Variants in CNTNAP4 observed in about 807,000 individuals in gnomAD.
CNTNAP4 encodes contactin-associated protein-like 4.
CNTNAP4 carries 98 observed loss-of-function variants against 148.4 expected under a neutral mutation model. The ratio of observed to expected loss-of-function variants is 0.66; its 90% CI spans 0.56 to 0.78. The LOEUF is 0.78. Among genes scored for constraint, CNTNAP4 ranks in the 30% least tolerant of loss-of-function variants. The pLI is 0.00. For missense variants in CNTNAP4, 1,935 were observed against 1,565.6 expected (o/e 1.24, Z -3.98); for synonymous variants, 730 against 565.1 (o/e 1.29, Z -4.14).
chr16:76,294,866 A>C (rs756471074), intron 1 of CNTNAP4, among the ~76,000 whole-genome samples: 1 of 152,214 alleles, frequency 6.6e-6, no homozygotes, highest in Non-Finnish European at 1.5e-5. Context: ...CTTGCTCGCA[A>C]TTGAGAACAG....
chr16:76,524,247 G>T lies in CNTNAP4; in HGVS notation c.2755+1990G>T, dbSNP rs8060405. Among the ~76,000 whole-genome samples, 391 of 151,990 alleles carry T rather than the reference G, an allele frequency of 2.6e-3. 3 individuals are homozygous for T. The highest frequency in any genetic ancestry group is 9.0e-3 in the African/African-American group (374 of 41,440). On this transcript the variant is annotated intron_variant, in intron 17 of 23. Coordinates refer to ENST00000611870, the MANE Select transcript of CNTNAP4 (RefSeq NM_033401.5). ...TGACCACTTGATTGACTTACTTAAG[G>T]GTATGAAAATAATAAAGAATGTATG...
intron 3 of CNTNAP4, among the ~76,000 whole-genome samples, chr16:76,419,963 C>A (rs1450591452): frequency 1.3e-5 from 2 of 151,924 alleles, no homozygotes; most frequent in Admixed American, 6.6e-5. Flanking sequence ...TCCCAAAGAC[C>A]TCATTTCCAA....
intron 3 of CNTNAP4, among the ~76,000 whole-genome samples, chr16:76,418,179 A>G (rs928906534): frequency 6.6e-6 from 1 of 151,506 alleles, no homozygotes; most frequent in Non-Finnish European, 1.5e-5. Context: ...ATTGGCCATT[A>G]TTACTTCAAG....
chr16:76,325,551 G>C (rs544628753), intron 2 of CNTNAP4, among the ~76,000 whole-genome samples: 1 of 152,072 alleles, frequency 6.6e-6, no homozygotes, highest in African/African-American at 2.4e-5. Context: ...TCCTCCAAAA[G>C]AAATCTCAAT....
At chr16:76,348,506 A>G (rs1294135001) in intron 2 of CNTNAP4, among the ~76,000 whole-genome samples, 2 of 152,198 alleles carry the variant, frequency 1.3e-5, no homozygotes, top group Non-Finnish European at 1.5e-5. Flanking sequence ...TTAAAAGATC[A>G]TGTGAGATAA....
At chr16:76,313,123 C>T (rs1465888476) in intron 1 of CNTNAP4, among the ~76,000 whole-genome samples, 2 of 152,022 alleles carry the variant, frequency 1.3e-5, no homozygotes, top group African/African-American at 4.8e-5. Flanking sequence ...AAAAAGTTCC[C>T]CTTCTTTTGT....
At position 76,366,669 on chromosome 16, in the gene CNTNAP4, C is replaced by T. The variant is rs148562735; in HGVS notation, c.390+11158C>T. Among the ~76,000 whole-genome samples the T allele has an allele frequency of 2.0e-3, 309 of 152,120 alleles. 3 individuals carry two copies. The highest frequency in any genetic ancestry group is 0.01 in the Middle Eastern group (3 of 294). ...GTACTCAGTAGTGGGATTGCTGGGTCAAATGGTTCTTAGCTCTTTGAGGAA... is the reference window on the plus strand; with the variant it reads ...GTACTCAGTAGTGGGATTGCTGGGTTAAATGGTTCTTAGCTCTTTGAGGAA... On this transcript the variant is annotated intron_variant, in intron 3 of 23. Transcript: ENST00000611870.
chr16:76,549,357 G>A (rs1322385266), intron 21 of CNTNAP4, among the ~76,000 whole-genome samples: 1 of 152,096 alleles, frequency 6.6e-6, no homozygotes, highest in Non-Finnish European at 1.5e-5. Context: ...TTTCTTCTTA[G>A]GGCTGTGGCC....
At chr16:76,390,609 C>T (rs1334549144) in intron 3 of CNTNAP4, among the ~76,000 whole-genome samples, 7 of 151,362 alleles carry the variant, frequency 4.6e-5, no homozygotes, top group African/African-American at 1.2e-4. Flanking sequence ...TTTAAGCAGG[C>T]ATTATTCCTT....
chr16:76,491,613 A>G (rs1013662139), intron 13 of CNTNAP4, among the ~76,000 whole-genome samples: 1 of 152,228 alleles, frequency 6.6e-6, no homozygotes, highest in Non-Finnish European at 1.5e-5. Context: ...GAATAAAAAA[A>G]CAGATAAGCA....
chr16:76,324,873 T>G (rs1199963140), intron 2 of CNTNAP4, among the ~76,000 whole-genome samples: 1 of 152,176 alleles, frequency 6.6e-6, no homozygotes, highest in African/African-American at 2.4e-5. Flanking sequence ...GTAAACCTAA[T>G]TACCTCCCAA....
At chr16:76,352,126 C>T (rs2011871723) in intron 2 of CNTNAP4, among the ~76,000 whole-genome samples, 1 of 152,074 alleles carries the variant, frequency 6.6e-6, no homozygotes, top group South Asian at 2.1e-4. Context: ...TCACCCTTTC[C>T]TAACTTTTTC....
intron 2 of CNTNAP4, among the ~76,000 whole-genome samples, chr16:76,330,235 C>T (rs1234463736): frequency 2.6e-5 from 4 of 152,102 alleles, no homozygotes; most frequent in Non-Finnish European, 4.4e-5. Flanking sequence ...CCTTTTATTT[C>T]TCCCTTGATC....
At chr16:76,497,479 A>T (rs2082438827) in intron 14 of CNTNAP4, among the ~76,000 whole-genome samples, 1 of 152,236 alleles carries the variant, frequency 6.6e-6, no homozygotes, top group Non-Finnish European at 1.5e-5. Flanking sequence ...GCAGCAAAGG[A>T]AAATGGAAGT....
intron 15 of CNTNAP4, among the ~76,000 whole-genome samples, chr16:76,513,634 G>T (rs1353192585): frequency 6.6e-6 from 1 of 152,100 alleles, no homozygotes; most frequent in Non-Finnish European, 1.5e-5. Context: ...CAACATGCCA[G>T]ATTACAAATG....
chr16:76,447,360 A>ATATATATATATATGAAAT (rs1406292447), intron 4 of CNTNAP4, among the ~76,000 whole-genome samples: 4 of 149,636 alleles, frequency 2.7e-5, no homozygotes, highest in African/African-American at 9.8e-5. Flanking sequence ...ATGAAATTAT[A>ATATATATATATATGAAAT]TATATATATG....
intron 3 of CNTNAP4, among the ~76,000 whole-genome samples, chr16:76,386,604 A>G (rs1397236972): frequency 6.6e-6 from 1 of 151,372 alleles, no homozygotes; most frequent in African/African-American, 2.5e-5. Context: ...TGCTAGAAAC[A>G]TAGTAGGTAC....
At chr16:76,512,579 A>T (rs760936819) in intron 15 of CNTNAP4, among the ~76,000 whole-genome samples, 1 of 152,178 alleles carries the variant, frequency 6.6e-6, no homozygotes, top group Non-Finnish European at 1.5e-5. Context: ...AGAGAAATAT[A>T]AAGAGCCCAG....
At chr16:76,370,062 A>G (rs1051659771) in intron 3 of CNTNAP4, among the ~76,000 whole-genome samples, 8 of 152,154 alleles carry the variant, frequency 5.3e-5, no homozygotes, top group Middle Eastern at 3.2e-3. Flanking sequence ...ACCTTTACCT[A>G]GTCATGTGGA....
Sources: gnomAD v4.1 joint callset for allele counts (sites outside exome capture counted in the v4.1 genomes callset) on GRCh38, gnomAD v4.1.1 for gene constraint, MANE v1.5 for transcripts, NCBI Gene and HGNC (gene_info 2026-07-23, HGNC 2026-07-21) for gene names.